Variants in PYCR1 observed in about 807,000 individuals in gnomAD.
The protein encoded by PYCR1 is pyrroline-5-carboxylate reductase 1, also known as pyrroline-5-carboxylate reductase 1, mitochondrial.
Under a neutral mutation model 22.9 loss-of-function variants are expected in PYCR1, and 19 were observed. That is an observed-to-expected ratio of 0.83 (90% confidence interval 0.58 to 1.22). PYCR1 has a LOEUF of 1.22. Ranked by LOEUF, PYCR1 falls within the 50% of genes most tolerant of loss-of-function variation. PYCR1 has a pLI of 0.00. For synonymous variants in PYCR1, 175 were observed against 180.5 expected (o/e 0.97, Z 0.24); for missense variants, 429 against 431.3 (o/e 0.99, Z 0.05).
chr17:81,936,960 C>A lies in PYCR1; in HGVS notation c.-146G>T, dbSNP rs2143906936. 1.3e-6 allele frequency: 2 copies of A among 1,508,298 alleles called. No individual in the cohort carries two copies. The highest frequency in any genetic ancestry group is 1.4e-5 in the African/African-American group (1 of 72,334). 93.4% of individuals were successfully genotyped at this position (1,508,298 alleles called of 1,614,324 possible). ...GGGTGCCCACCTCCCCTGGTCCCAG[C>A]TGGTCTAACTTTCCACTTTGCTGTC... On this transcript the variant is annotated 5_prime_UTR_variant, in exon 1 of 7. Coordinates refer to ENST00000329875, the MANE Select transcript of PYCR1 (RefSeq NM_006907.4).
At position 81,934,443 on chromosome 17, in the gene PYCR1, A is replaced by T; in HGVS notation, c.680T>A (p.Leu227His). 6.2e-7 allele frequency: 1 copy of T among 1,610,558 alleles called. No individual in the cohort carries two copies. The highest frequency in any genetic ancestry group is 1.3e-5 in the African/African-American group (1 of 75,000). Reference protein sequence around the residue: ...LLHSEQHPGQLKDNVSSPGGA... With the variant: ...LLHSEQHPGQHKDNVSSPGGA... ...ACCAGGAGAGCTGACGTTGTCCTTG[A>T]GCTGGCCTGGGTGCTGTTCTGAGTG... is the stretch of plus-strand genomic sequence containing the variant. Residue 227 changes from leucine (L) to histidine (H), a missense_variant, in exon 6 of 7, where the codon CTC becomes CAC. By Grantham distance (99) the Leu-to-His change is moderately conservative. Transcript: ENST00000329875.
At chr17:81,934,264 TGA>T (rs1223097526) in intron 6 of PYCR1, 60 bp downstream of exon 6, 1 of 1,597,362 alleles carries the variant, frequency 6.3e-7, no homozygotes, top group Non-Finnish European at 8.5e-7. Flanking sequence ...CAGATGTGTG[TGA>T]GAGAGGCCTC....
rs1359119321 is a variant in PYCR1, at chr17:81,935,056, G to A, written c.410C>T (p.Thr137Ile). ...VVREGATVYATGTHAQVEDGR... is the reference protein window; with the variant it reads ...VVREGATVYAIGTHAQVEDGR... ...GTCCTCCACCTGGGCGTGCGTGCCT[G>A]TGGCATACACGGTGGCCCCCTCCCG... is the stretch of plus-strand genomic sequence containing the variant. Residue 137 changes from threonine to isoleucine, a missense_variant, in exon 4 of 7, where the codon ACA (threonine) becomes ATA (isoleucine). By Grantham distance (89) the Thr-to-Ile change is moderately conservative (BLOSUM62 -1). Coordinates refer to ENST00000329875, the MANE Select transcript of PYCR1 (RefSeq NM_006907.4). 3.7e-6 allele frequency: 6 copies of A among 1,610,614 alleles called. No individual in the cohort carries two copies. Among genetic ancestry groups the A allele is most frequent in the Non-Finnish European group, 5.1e-6 (6 of 1,179,996 alleles).
chr17:81,935,469 G>A lies in PYCR1; in HGVS notation c.186C>T (p.His62=), dbSNP rs1166006610. The change falls in exon 3 of 7, where the codon CAC becomes CAT. Residue 62 remains histidine (H), a synonymous_variant. Transcript: ENST00000329875. ...TCACAGCCAGGAAGAGCACATCACT[G>A]TGCTGCACCGTCTCCTTGTTGTGGG... The part of the protein sequence containing the change: ...LTPHNKETVQ[H]SDVLFLAVKP... 1 of 1,613,134 alleles carries A rather than the reference G, an allele frequency of 6.2e-7. No individual in the cohort carries two copies. The highest frequency in any genetic ancestry group is 8.5e-7 in the Non-Finnish European group (1 of 1,179,754).
Position 81,933,127 on chromosome 17 carries a change from GA to G in PYCR1, c.*86del. ...GGCCCCTGCGCTGATCAGAGCCACA[GA>G]AAGTGGGCCACTTTGGGGACCCCCT... On this transcript the variant is annotated 3_prime_UTR_variant, in exon 7 of 7. Coordinates refer to ENST00000329875, the MANE Select transcript of PYCR1 (RefSeq NM_006907.4). The G allele has an allele frequency of 1.9e-6, 3 of 1,605,576 alleles. No homozygotes were observed. Among genetic ancestry groups the G allele is most frequent in the Non-Finnish European group, 2.5e-6 (3 of 1,178,988 alleles).
intron 6 of PYCR1, 145 bp downstream of exon 6, chr17:81,934,181 A>C: frequency 3.3e-6 from 4 of 1,214,914 alleles, no homozygotes; most frequent in Non-Finnish European, 3.5e-6. Flanking sequence ...AACCCAGGGA[A>C]CCTCGGGGCC....
At position 81,936,744 on chromosome 17, in the gene PYCR1, C is replaced by G; in HGVS notation, c.67+4G>C. On this transcript the variant is annotated splice_donor_region_variant and intron_variant, in intron 1 of 6. Transcript: ENST00000329875. ...GCCTCACCGTCCCCCACCTGGGGGC[C>G]TACCTGCTGCTGTGAAGCCCTTGGC... The G allele has an allele frequency of 6.2e-7, 1 of 1,605,670 alleles. No individual in the cohort carries two copies. The highest frequency in any genetic ancestry group is 8.5e-7 in the Non-Finnish European group (1 of 1,177,170).
chr17:81,934,686 G>A lies in PYCR1; in HGVS notation c.600C>T (p.Arg200=), dbSNP rs1467164920. The A allele has an allele frequency of 6.4e-7, 1 of 1,573,566 alleles. No individual in the cohort carries two copies. The highest frequency in any genetic ancestry group is 8.6e-7 in the Non-Finnish European group (1 of 1,160,222). Residue 200 remains arginine (R), a synonymous_variant, in exon 5 of 7, where the codon CGC becomes CGT. Coordinates refer to ENST00000329875, the MANE Select transcript of PYCR1 (RefSeq NM_006907.4). ...DGGVKMGLPR[R]LAVRLGAQAL... ...CCTGGGCCCCGAGGCGGACTGCCAG[G>A]CGCCTTGGAAGTCCCATCTTCACAC...
chr17:81,933,446 G>A (rs1293374471), intron 6 of PYCR1, 70 bp from the exon 7 acceptor site: 36 of 1,570,914 alleles, frequency 2.3e-5, no homozygotes, highest in Non-Finnish European at 3.0e-5. Flanking sequence ...GAAGCCCACA[G>A]CTCCCAGTGC....
intron 2 of PYCR1, 120 bp from the exon 3 acceptor site, chr17:81,935,636 G>A (rs2041166836): frequency 4.6e-6 from 4 of 866,470 alleles, no homozygotes; most frequent in Non-Finnish European, 3.7e-6. Context: ...GCAGGGCTGG[G>A]GGCTCAGGGC....
At position 81,932,849 on chromosome 17, in the gene PYCR1, C is replaced by T. The variant is rs778095327; in HGVS notation, c.*365G>A. On this transcript the variant is annotated 3_prime_UTR_variant, in exon 7 of 7. Transcript: ENST00000329875. ...GGCGTGGGATCCCACCTCTGCTGAG[C>T]CTTCACAGAGGGGGTCCTTGACCTT... 6.3e-7 allele frequency: 1 copy of T among 1,594,270 alleles called. No homozygotes were observed. Among genetic ancestry groups the T allele is most frequent in the Non-Finnish European group, 8.5e-7 (1 of 1,171,498 alleles).
intron 4 of PYCR1, 89 bp downstream of exon 4, chr17:81,934,837 A>C (rs2041126777): frequency 1.3e-6 from 2 of 1,551,562 alleles, no homozygotes; most frequent in African/African-American, 1.4e-5. Flanking sequence ...GGAGCCCTCC[A>C]CCCTGGCCCT....
In PYCR1 at chr17:81,934,705, T is replaced by G. The variant is rs1343326083; in HGVS notation, c.581A>C (p.Lys194Thr). 3.2e-6 allele frequency: 5 copies of G among 1,572,576 alleles called. No homozygotes were observed. The highest frequency in any genetic ancestry group is 4.3e-6 in the Non-Finnish European group (5 of 1,159,706). ...TGCCAGGCGCCTTGGAAGTCCCATC[T>G]TCACACCCCCATCAGCCAGGGCATC... Reference protein sequence around the residue: ...ALDALADGGVKMGLPRRLAVR... With the variant: ...ALDALADGGVTMGLPRRLAVR... The change falls in exon 5 of 7, where the codon AAG (lysine) becomes ACG (threonine). Residue 194 changes from lysine to threonine, a missense_variant. By Grantham distance (78) the Lys-to-Thr change is moderately conservative. Coordinates refer to ENST00000329875, the MANE Select transcript of PYCR1 (RefSeq NM_006907.4).
Position 81,936,254 on chromosome 17 carries a change from C to T in PYCR1, c.68-61G>A, listed in dbSNP as rs570969249. On this transcript the variant is annotated intron_variant, in intron 1 of 6. Coordinates refer to ENST00000329875, the MANE Select transcript of PYCR1 (RefSeq NM_006907.4). ...TATTTTTTTTTTTTTGAGACGGAGT[C>T]TCGCTGTGTTGCCCAGGCTGGAGTG... 3.7e-4 allele frequency: 565 copies of T among 1,530,106 alleles called. 1 individual carries two copies. In the African/African-American group the frequency reaches 7.3e-3, roughly 20 times the overall value. The allele number at this position is 1,530,106 out of a possible 1,614,324, so 94.8% of individuals were successfully genotyped here.
intron 5 of PYCR1, 79 bp downstream of exon 5, chr17:81,934,574 G>A (rs985448455): frequency 1.9e-5 from 30 of 1,551,150 alleles, no homozygotes; most frequent in African/African-American, 1.1e-4. Context: ...ACACACTGAC[G>A]CCCCACTTGG....
intron 5 of PYCR1, 37 bp from the exon 6 acceptor site, chr17:81,934,526 C>T (rs779978005): frequency 1.3e-6 from 2 of 1,567,378 alleles, no homozygotes; most frequent in African/African-American, 1.3e-5. Flanking sequence ...TGTGGGCACG[C>T]ACCTGCCTCT....
Position 81,937,021 on chromosome 17 carries a change from C to T in PYCR1, c.-207G>A. 2.1e-6 allele frequency: 3 copies of T among 1,458,070 alleles called. No homozygotes were observed. Among genetic ancestry groups the T allele is most frequent in the South Asian group, 2.8e-5 (2 of 72,278 alleles). The allele number at this position is 1,458,070 out of a possible 1,614,324, so 90.3% of individuals were successfully genotyped here. On this transcript the variant is annotated 5_prime_UTR_variant, in exon 1 of 7. Coordinates refer to ENST00000329875, the MANE Select transcript of PYCR1 (RefSeq NM_006907.4). ...ACTGCTTCGGGGCCCCCAGTCAGAG[C>T]GGCGGTGCCTGGCCTGCTGCCTAGG...
chr17:81,932,689 G>A lies in PYCR1; in HGVS notation c.*525C>T. The A allele has an allele frequency of 1.2e-6, 1 of 800,600 alleles. No individual in the cohort carries two copies. Among genetic ancestry groups the A allele is most frequent in the South Asian group, 1.7e-5 (1 of 58,634 alleles). 49.6% of individuals were successfully genotyped at this position (800,600 alleles called of 1,614,324 possible). ...AGGAGCCCTTTCCCCAAATGTCCAT[G>A]GGATCTGCGTGCTTGGCAGCCAAGA... On this transcript the variant is annotated 3_prime_UTR_variant, in exon 7 of 7. Coordinates refer to ENST00000329875, the MANE Select transcript of PYCR1 (RefSeq NM_006907.4).
At chr17:81,936,012 C>G in intron 2 of PYCR1, 111 bp downstream of exon 2, 3 of 1,281,464 alleles carry the variant, frequency 2.3e-6, no homozygotes, top group Non-Finnish European at 3.4e-6. Context: ...CATGAGACCC[C>G]AGCCCAGGGC....
Sources: gnomAD v4.1 joint callset for allele counts on GRCh38, gnomAD v4.1.1 for gene constraint, MANE v1.5 for transcripts, NCBI Gene and HGNC (gene_info 2026-07-23, HGNC 2026-07-21) for gene names.